STRA6: variants seen among roughly 807,000 people sequenced by gnomAD.
STRA6 encodes the protein signaling receptor and transporter of retinol STRA6, also known as receptor for retinol uptake STRA6.
A neutral mutation model predicts 83.6 loss-of-function variants in STRA6; 48 were observed. That is an observed-to-expected ratio of 0.57 (90% CI 0.46 to 0.73). The LOEUF (loss-of-function observed/expected upper bound fraction) is 0.73, where lower values mean the gene tolerates loss of function less well. STRA6 is among the 30% of genes least tolerant of loss of function. The pLI is 0.00. For synonymous variants in STRA6, 353 were observed against 362.3 expected, an observed-to-expected ratio of 0.97 and a Z score of 0.29; for missense variants, 760 against 838.8, an observed-to-expected ratio of 0.91 and a Z score of 1.16.
chr15:74,190,383 C>G (rs1044305389), intron 11 of STRA6, among the ~76,000 whole-genome samples: 3 of 151,936 alleles, frequency 2.0e-5, no homozygotes, highest in African/African-American at 7.3e-5. Context: ...ATAATCATAC[C>G]CATCTCCCAG....
chr15:74,196,081 C>G lies in STRA6; in HGVS notation c.333G>C (p.Leu111=). ...AVPAAVFMVL[L]SSLCLLLPDE... is the part of the protein sequence containing the mutation. ...CGGGGAGCAGCAAACACAGGGAGCTCAGGAGGACCATGAAAACAGCAGCAG... is the reference window on the plus strand; with the variant it reads ...CGGGGAGCAGCAAACACAGGGAGCTGAGGAGGACCATGAAAACAGCAGCAG... The change falls in exon 5 of 19, where the codon CTG becomes CTC. Residue 111 remains leucine, a synonymous_variant. Transcript: ENST00000395105. 6.2e-7 allele frequency: 1 copy of G among 1,614,030 alleles called. No individual in the cohort carries two copies. Among genetic ancestry groups the G allele is most frequent in the Non-Finnish European group, 8.5e-7 (1 of 1,180,002 alleles).
chr15:74,206,756 C>G (rs772457891), upstream of STRA6, among the ~76,000 whole-genome samples: 1 of 152,216 alleles, frequency 6.6e-6, no homozygotes, highest in African/African-American at 2.4e-5. Context: ...TGAATTGACA[C>G]GTGTCTCAGG....
intron 8 of STRA6, 49 bp from the exon 9 acceptor site, chr15:74,191,540 T>A (rs1025935990): frequency 1.6e-5 from 24 of 1,520,362 alleles, no homozygotes; most frequent in Non-Finnish European, 2.0e-5. Context: ...CCTCGACCCA[T>A]TCGTGGGTCC....
At chr15:74,209,825 C>G (rs778828938), upstream of STRA6, 1 of 186,716 alleles carries the variant, frequency 5.4e-6, no homozygotes, top group Non-Finnish European at 1.1e-5. Flanking sequence ...GCAAGCAGGG[C>G]AGGGAGAGAG....
chr15:74,192,341 A>G (rs351226), intron 8 of STRA6, among the ~76,000 whole-genome samples: 121,822 of 152,010 alleles, frequency 0.8, 49,811 homozygotes, highest in Non-Finnish European at 0.9. Context: ...GAGGGGACAC[A>G]GGCTTCCTCG....
At chr15:74,210,447 C>T (rs1018452659), upstream of STRA6, among the ~76,000 whole-genome samples, 7 of 152,140 alleles carry the variant, frequency 4.6e-5, no homozygotes, top group Admixed American at 2.6e-4. Flanking sequence ...ATACATAAAT[C>T]GTGATCTCAT....
intron 7 of STRA6, chr15:74,194,771 GGAT>G: frequency 7.9e-7 from 1 of 1,270,066 alleles, no homozygotes; most frequent in Non-Finnish European, 9.9e-7. Flanking sequence ...TGGTGAAGCT[GGAT>G]TCACACTCAG....
chr15:74,190,481 A>C (rs1345989598), intron 11 of STRA6, among the ~76,000 whole-genome samples: 1 of 152,106 alleles, frequency 6.6e-6, no homozygotes, highest in African/African-American at 2.4e-5. Flanking sequence ...TGTCTTGCTA[A>C]ATCTTCCCAA....
rs773047496 is a variant in STRA6 at position 74,180,255 on chromosome 15, G to A, written c.1841-12C>T. ...TAGCAGCTGCATCCCTGAGAGAGAC[G>A]GACTTTCTGTGAGTCACTCAGCAAA... On this transcript the variant is annotated splice_polypyrimidine_tract_variant and intron_variant, in intron 18 of 18. Coordinates refer to ENST00000395105, the MANE Select transcript of STRA6 (RefSeq NM_022369.4). The A allele has an allele frequency of 1.4e-5, 22 of 1,613,818 alleles. No homozygotes were observed. The Admixed American group carries it at 2.0e-4, about 15-fold the overall frequency.
chr15:74,182,122 G>A (rs1331408438), intron 16 of STRA6, 39 bp downstream of exon 16: 4 of 1,553,232 alleles, frequency 2.6e-6, no homozygotes, highest in African/African-American at 1.4e-5. Flanking sequence ...AAGAAGAGGC[G>A]AGGGCCTGAG....
intron 1 of STRA6, chr15:74,208,733 G>A (rs2074318633): frequency 1.0e-6 from 1 of 987,934 alleles, no homozygotes; most frequent in South Asian, 4.7e-5. Flanking sequence ...CACACCCCAT[G>A]TGCCTTCTCG....
At chr15:74,202,459 G>C in intron 1 of STRA6, 177 bp from the exon 2 acceptor site, 2 of 1,536,156 alleles carry the variant, frequency 1.3e-6, no homozygotes, top group South Asian at 1.2e-5. Flanking sequence ...CTGAGGGCCT[G>C]AGCAAGCTGG....
In STRA6 at chr15:74,197,822, C is replaced by T; in HGVS notation, c.114-4G>A. On this transcript the variant is annotated splice_polypyrimidine_tract_variant and splice_region_variant and intron_variant, in intron 2 of 18. Transcript: ENST00000395105. ...GGTGTGGCAGGAGGGCACTTCCCTGCAGAGCAAATGAAGGCTGGCTCAGGC... is the reference window on the plus strand; with the variant it reads ...GGTGTGGCAGGAGGGCACTTCCCTGTAGAGCAAATGAAGGCTGGCTCAGGC... 6.2e-7 allele frequency: 1 copy of T among 1,612,630 alleles called. No homozygotes were observed. Among genetic ancestry groups the T allele is most frequent in the Non-Finnish European group, 8.5e-7 (1 of 1,179,960 alleles).
intron 2 of STRA6, 174 bp from the exon 3 acceptor site, chr15:74,197,992 C>T (rs1487699154): frequency 4.3e-6 from 3 of 694,482 alleles, no homozygotes; most frequent in Non-Finnish European, 7.6e-6. Context: ...TTCTGGGGCC[C>T]TCGTGTCCCT....
At position 74,183,637 on chromosome 15, in the gene STRA6, G is replaced by A. The variant is rs374617800; in HGVS notation, c.1300+219C>T. On this transcript the variant is annotated intron_variant, in intron 14 of 18. Coordinates refer to ENST00000395105, the MANE Select transcript of STRA6 (RefSeq NM_022369.4). ...CCCAGGGTTCATCTCCATGTGGAGG[G>A]TACACACTCAATTTCCCGAGGGCTC... is the stretch of plus-strand genomic sequence containing the variant. 42 of 1,440,304 alleles carry A rather than the reference G, an allele frequency of 2.9e-5. No homozygotes were observed. The Middle Eastern group carries it at 7.7e-4, about 27-fold the overall frequency. 89.2% of individuals were successfully genotyped at this position (1,440,304 alleles called of 1,614,324 possible).
intron 8 of STRA6, 115 bp downstream of exon 8, chr15:74,193,685 C>G (rs1300929528): frequency 1.3e-6 from 2 of 1,540,034 alleles, no homozygotes; most frequent in African/African-American, 2.7e-5. Flanking sequence ...TTCTGAGCAT[C>G]TATTCTGTGC....
At position 74,197,357 on chromosome 15, in the gene STRA6, C is replaced by T. The variant is rs1253475456; in HGVS notation, c.247G>A (p.Gly83Ser). 5 of 1,550,334 alleles carry T rather than the reference C, an allele frequency of 3.2e-6. No homozygotes were observed. The East Asian group carries it at 1.2e-4, about 38-fold the overall frequency. ...RRQLWPDCVR[G>S]RPGLPSPVDF... Reference sequence around the variant, plus strand: ...ACAAACCTGGGCAGGCCGGGCCTGCCACGCACACAGTCAGGCCAGAGCTGG... The same window carrying T: ...ACAAACCTGGGCAGGCCGGGCCTGCTACGCACACAGTCAGGCCAGAGCTGG... The change falls in exon 4 of 19, where the codon GGC (glycine) becomes AGC (serine). Residue 83 changes from glycine to serine, a missense_variant. Coordinates refer to ENST00000395105, the MANE Select transcript of STRA6 (RefSeq NM_022369.4).
At position 74,190,893 on chromosome 15, in the gene STRA6, G is replaced by T. The variant is rs572489515; in HGVS notation, c.874C>A (p.Leu292Ile). The T allele has an allele frequency of 6.2e-7, 1 of 1,613,992 alleles. No individual in the cohort carries two copies. The highest frequency in any genetic ancestry group is 8.5e-7 in the Non-Finnish European group (1 of 1,180,014). The part of the protein sequence containing the change: ...CIYTPQPGFH[L>I]PLKLVLSATL... ...GCTGAAAGCACCAGCTTCAGCGGGA[G>T]ATGGAATCCTGTAGTCCTCAAAGGA... The change falls in exon 11 of 19, where the codon CTC (leucine) becomes ATC (isoleucine). Residue 292 changes from leucine (L) to isoleucine (I), a missense_variant. Physicochemically the swap from Leu to Ile is conservative, Grantham distance 5. Transcript: ENST00000395105.
At chr15:74,195,798 C>T in intron 5 of STRA6, 123 bp from the exon 6 acceptor site, 1 of 900,728 alleles carries the variant, frequency 1.1e-6, no homozygotes, top group Non-Finnish European at 1.7e-6. Flanking sequence ...GCTCTCAGTT[C>T]CTCCATTGCA....
Sources: gnomAD v4.1 joint callset for allele counts (sites outside exome capture counted in the v4.1 genomes callset) on GRCh38, gnomAD v4.1.1 for gene constraint, MANE v1.5 for transcripts, NCBI Gene and HGNC (gene_info 2026-07-23, HGNC 2026-07-21) for gene names.